Variants in PTPRD observed in about 807,000 individuals in gnomAD.
PTPRD encodes receptor-type tyrosine-protein phosphatase delta.
In PTPRD, 34 loss-of-function variants were observed where a neutral mutation model predicts 214.5. That is an observed-to-expected ratio of 0.16 (90% CI 0.12 to 0.21). The LOEUF (loss-of-function observed/expected upper bound fraction) is 0.21, where lower values mean the gene tolerates loss of function less well. PTPRD is among the 10% of genes least tolerant of loss of function. PTPRD has a pLI of 1.00. For missense variants in PTPRD, 2,545 were observed against 2,398.7 expected (o/e 1.06, Z -1.27); for synonymous variants, 1,128 against 845.7 (o/e 1.33, Z -5.79).
chr9:9,799,448 G>A (rs1806911662), intron 5 of PTPRD: 1 of 152,114 alleles, frequency 6.6e-6, no homozygotes, highest in Admixed American at 6.6e-5. Context: ...GGACTCTAAA[G>A]GCCAGGCCAA....
At chr9:8,436,963 A>C (rs10977103) in intron 34 of PTPRD, among the ~76,000 whole-genome samples, 4 of 152,150 alleles carry the variant, frequency 2.6e-5, no homozygotes, top group African/African-American at 7.2e-5. Flanking sequence ...ATGAATCAAT[A>C]AGGTTAGCTA....
intron 3 of PTPRD, among the ~76,000 whole-genome samples, chr9:10,152,006 A>G (rs1004992804): frequency 6.6e-5 from 10 of 152,108 alleles, no homozygotes; most frequent in African/African-American, 2.4e-4. Flanking sequence ...ATAAACACCT[A>G]CGTATAGGTT....
At chr9:8,796,038 G>C (rs1389336580) in intron 11 of PTPRD, among the ~76,000 whole-genome samples, 2 of 152,276 alleles carry the variant, frequency 1.3e-5, no homozygotes, top group African/African-American at 2.4e-5. Context: ...TGACCACAAA[G>C]GCAGGTTTAG....
intron 9 of PTPRD, among the ~76,000 whole-genome samples, chr9:9,200,951 T>C (rs887128004): frequency 3.3e-5 from 5 of 152,214 alleles, no homozygotes; most frequent in African/African-American, 9.6e-5. Flanking sequence ...TCTCTTCTTA[T>C]ATGAAGCACA....
At chr9:9,783,923 C>A (rs1197410921) in intron 5 of PTPRD, among the ~76,000 whole-genome samples, 1 of 151,462 alleles carries the variant, frequency 6.6e-6, no homozygotes, top group African/African-American at 2.4e-5. Context: ...AGGCAACTGC[C>A]AGAGACTAAA....
At chr9:9,113,365 A>T (rs903685783) in intron 10 of PTPRD, among the ~76,000 whole-genome samples, 2 of 152,088 alleles carry the variant, frequency 1.3e-5, no homozygotes, top group African/African-American at 4.8e-5. Context: ...CTATGCAGTG[A>T]CCACACACAA....
At chr9:9,107,494 A>T (rs1027498126) in intron 10 of PTPRD, among the ~76,000 whole-genome samples, 4 of 152,082 alleles carry the variant, frequency 2.6e-5, no homozygotes, top group African/African-American at 9.7e-5. Flanking sequence ...TTTATTTACC[A>T]CTTGGAACCT....
intron 11 of PTPRD, among the ~76,000 whole-genome samples, chr9:8,846,266 G>A (rs2814721): frequency 0.88 from 133,536 of 152,178 alleles, 58,623 homozygotes; most frequent in Middle Eastern, 0.93. Flanking sequence ...GATTTGGGCC[G>A]TGAACTAATT....
At chr9:8,765,144 T>C (rs1373003885) in intron 11 of PTPRD, among the ~76,000 whole-genome samples, 1 of 152,178 alleles carries the variant, frequency 6.6e-6, no homozygotes, top group East Asian at 1.9e-4. Context: ...AAATGCTAAA[T>C]ACGATTTAAA....
At position 9,985,956 on chromosome 9, in the gene PTPRD, A is replaced by C. The variant is rs543584306; in HGVS notation, c.-471-47346T>G. On this transcript the variant is annotated intron_variant, in intron 4 of 45. Transcript: ENST00000381196. ...TGAAAACTCTGAAAATAACTAAAGA[A>C]AATTCATTTTACTCATTGGAAGACT... Among the ~76,000 whole-genome samples the C allele has an allele frequency of 2.0e-5, 3 of 152,254 alleles. No homozygotes were observed. The East Asian group carries it at 5.8e-4, about 29-fold the overall frequency.
At chr9:9,906,588 T>G (rs1228028449) in intron 5 of PTPRD, among the ~76,000 whole-genome samples, 2 of 151,996 alleles carry the variant, frequency 1.3e-5, no homozygotes, top group East Asian at 3.9e-4. Flanking sequence ...ACACATTTAT[T>G]TAAGTCATAC....
intron 11 of PTPRD, among the ~76,000 whole-genome samples, chr9:8,934,821 G>A (rs2098985567): frequency 2.6e-5 from 4 of 151,436 alleles, no homozygotes; most frequent in South Asian, 2.1e-4. Context: ...GCATCTGTAT[G>A]TTCAGCTTTT....
chr9:10,112,315 G>A (rs1367058967), intron 3 of PTPRD, among the ~76,000 whole-genome samples: 1 of 152,168 alleles, frequency 6.6e-6, no homozygotes, highest in Admixed American at 6.5e-5. Context: ...CTTATCCATG[G>A]AGTTAATAGG....
intron 8 of PTPRD, among the ~76,000 whole-genome samples, chr9:9,557,949 C>T (rs1313185253): frequency 6.6e-6 from 1 of 152,204 alleles, no homozygotes; most frequent in African/African-American, 2.4e-5. Flanking sequence ...AGCTTACTTT[C>T]ACACTGTCCA....
chr9:10,173,970 T>C (rs994550482), intron 3 of PTPRD, among the ~76,000 whole-genome samples: 1 of 152,142 alleles, frequency 6.6e-6, no homozygotes, highest in African/African-American at 2.4e-5. Context: ...TCCTACCATG[T>C]GCAGAAATAA....
At chr9:9,098,665 T>C (rs1458000290) in intron 10 of PTPRD, among the ~76,000 whole-genome samples, 2 of 152,240 alleles carry the variant, frequency 1.3e-5, no homozygotes, top group African/African-American at 4.8e-5. Context: ...ATGTTTATCA[T>C]GTACCCATCG....
Position 8,436,628 on chromosome 9 carries a change from T to C in PTPRD, c.4050A>G (p.Lys1350=), listed in dbSNP as rs369516998. 24 of 1,613,600 alleles carry C rather than the reference T, an allele frequency of 1.5e-5. No individual in the cohort carries two copies. The highest frequency in any genetic ancestry group is 1.9e-5 in the Non-Finnish European group (22 of 1,179,722). ...LELADHIERL[K]ANDNLKFSQE... ...GGGAAAACTTCAAGTTGTCATTTGC[T>C]TTCAATCTTTCAATGTGGTCTGCAA... is the stretch of plus-strand genomic sequence containing the variant. Residue 1350 remains lysine, a synonymous_variant, in exon 35 of 46, where the codon AAA becomes AAG. Coordinates refer to ENST00000381196, the MANE Select transcript of PTPRD (RefSeq NM_002839.4).
At chr9:9,478,572 C>G (rs1371802305) in intron 8 of PTPRD, among the ~76,000 whole-genome samples, 1 of 152,154 alleles carries the variant, frequency 6.6e-6, no homozygotes, top group Non-Finnish European at 1.5e-5. Flanking sequence ...GATCTTGCCA[C>G]ACATTTAGAT....
intron 11 of PTPRD, among the ~76,000 whole-genome samples, chr9:8,828,231 G>A (rs2097213158): frequency 6.6e-6 from 1 of 152,180 alleles, no homozygotes; most frequent in Non-Finnish European, 1.5e-5. Flanking sequence ...TGGACTAAAT[G>A]TTTGTATCTC....
Sources: gnomAD v4.1 joint callset for allele counts (sites outside exome capture counted in the v4.1 genomes callset) on GRCh38, gnomAD v4.1.1 for gene constraint, MANE v1.5 for transcripts, NCBI Gene and HGNC (gene_info 2026-07-23, HGNC 2026-07-21) for gene names.